ENOX1: variants seen among roughly 807,000 people sequenced by gnomAD.
ENOX1 encodes ecto-NOX disulfide-thiol exchanger 1, also known as candidate growth-related and time keeping constitutive hydroquinone (NADH) oxidase.
A neutral mutation model predicts 82.5 loss-of-function variants in ENOX1; 42 were observed. The ratio of observed to expected loss-of-function variants is 0.51; its 90% CI spans 0.40 to 0.66. The LOEUF is 0.66. Among genes scored for constraint, ENOX1 ranks in the 30% least tolerant of loss-of-function variants. The pLI is 0.00. For missense variants in ENOX1, 608 were observed against 811.6 expected, an observed-to-expected ratio of 0.75 and a Z score of 3.05; for synonymous variants, 271 against 282.2, an observed-to-expected ratio of 0.96 and a Z score of 0.40.
intron 9 of ENOX1, among the ~76,000 whole-genome samples, chr13:43,331,970 G>A (rs2048434088): frequency 6.6e-6 from 1 of 152,168 alleles, no homozygotes; most frequent in South Asian, 2.1e-4. Flanking sequence ...TTTAAGGAGG[G>A]ATGGACCGGA....
intron 1 of ENOX1, among the ~76,000 whole-genome samples, chr13:43,683,522 T>C (rs777704480): frequency 1.3e-5 from 2 of 152,056 alleles, no homozygotes; most frequent in Non-Finnish European, 2.9e-5. Flanking sequence ...CCAACTTCAG[T>C]TGGGTTTTTG....
At chr13:43,408,838 G>A (rs77865331) in intron 5 of ENOX1, among the ~76,000 whole-genome samples, 5,636 of 152,120 alleles carry the variant, frequency 0.037, 142 homozygotes, top group South Asian at 0.091. Flanking sequence ...TGGGGGCATG[G>A]AAAATAGGGA....
chr13:43,417,109 C>A (rs1260784854), intron 3 of ENOX1, among the ~76,000 whole-genome samples: 3 of 152,034 alleles, frequency 2.0e-5, no homozygotes, highest in Admixed American at 1.3e-4. Context: ...CTCGGCAGGC[C>A]GAGGCAGGAG....
intron 9 of ENOX1, among the ~76,000 whole-genome samples, chr13:43,328,935 C>A (rs538535083): frequency 1.3e-5 from 2 of 152,044 alleles, no homozygotes; most frequent in African/African-American, 2.4e-5. Context: ...ATCATAGTCT[C>A]GGAAGAGAAA....
intron 2 of ENOX1, among the ~76,000 whole-genome samples, chr13:43,576,818 T>G: frequency 6.6e-6 from 1 of 152,220 alleles, no homozygotes; most frequent in East Asian, 1.9e-4. Flanking sequence ...ATAAACTCCA[T>G]GAGGGCAGGA....
chr13:43,287,008 G>T (rs2045734632), intron 12 of ENOX1, among the ~76,000 whole-genome samples: 1 of 152,138 alleles, frequency 6.6e-6, no homozygotes, highest in Non-Finnish European at 1.5e-5. Context: ...GAAAGCCATG[G>T]TGTGGGGTTA....
intron 1 of ENOX1, among the ~76,000 whole-genome samples, chr13:43,765,911 T>A (rs1347082870): frequency 6.6e-6 from 1 of 152,244 alleles, no homozygotes; most frequent in Non-Finnish European, 1.5e-5. Context: ...AGTCTGCCTA[T>A]ACTCAATTTC....
chr13:43,499,953 A>G (rs1307418659), intron 2 of ENOX1, among the ~76,000 whole-genome samples: 2 of 152,024 alleles, frequency 1.3e-5, no homozygotes, highest in African/African-American at 4.8e-5. Context: ...CTAAAAAATT[A>G]AACGGTTTCA....
chr13:43,766,790 G>A (rs939991017), intron 1 of ENOX1, among the ~76,000 whole-genome samples: 4 of 152,114 alleles, frequency 2.6e-5, no homozygotes, highest in Admixed American at 6.5e-5. Flanking sequence ...ATTTCATCAT[G>A]GAACAGAAGA....
chr13:43,626,493 TTA>T (rs1363647985), intron 2 of ENOX1, among the ~76,000 whole-genome samples: 4 of 151,974 alleles, frequency 2.6e-5, no homozygotes, highest in African/African-American at 7.2e-5. Context: ...CCTACAAATT[TTA>T]TGTTGTGTTT....
chr13:43,332,951 C>G (rs930233706), intron 9 of ENOX1, among the ~76,000 whole-genome samples: 1 of 152,154 alleles, frequency 6.6e-6, no homozygotes, highest in Non-Finnish European at 1.5e-5. Context: ...ATTAACAGAT[C>G]CTAGCACATC....
intron 5 of ENOX1, among the ~76,000 whole-genome samples, chr13:43,405,987 C>T (rs1471919087): frequency 2.0e-5 from 3 of 152,212 alleles, no homozygotes; most frequent in Non-Finnish European, 4.4e-5. Flanking sequence ...TAAAGCATGA[C>T]AGTAAGGTCT....
intron 2 of ENOX1, among the ~76,000 whole-genome samples, chr13:43,659,482 C>T (rs1186132312): frequency 6.7e-6 from 1 of 149,654 alleles, no homozygotes; most frequent in Non-Finnish European, 1.5e-5. Context: ...AGAGTGAAAC[C>T]CTGTGTAAAA....
chr13:43,489,770 A>G (rs2076556753), intron 2 of ENOX1, among the ~76,000 whole-genome samples: 1 of 152,184 alleles, frequency 6.6e-6, no homozygotes, highest in Non-Finnish European at 1.5e-5. Flanking sequence ...GACCCAACCC[A>G]GCTGAGTATG....
intron 2 of ENOX1, among the ~76,000 whole-genome samples, chr13:43,525,248 T>A (rs1446964269): frequency 6.6e-6 from 1 of 152,144 alleles, no homozygotes. Context: ...TCCACATCCA[T>A]GAGACAATAA....
chr13:43,412,370 AG>A (rs2054187247), intron 4 of ENOX1, among the ~76,000 whole-genome samples: 1 of 152,180 alleles, frequency 6.6e-6, no homozygotes, highest in South Asian at 2.1e-4. Context: ...CAAGGCTGAG[AG>A]GCAAAGCAGT....
intron 1 of ENOX1, among the ~76,000 whole-genome samples, chr13:43,734,673 C>A (rs755068814): frequency 2.0e-5 from 3 of 152,176 alleles, no homozygotes; most frequent in African/African-American, 4.8e-5. Flanking sequence ...AGCACATAGG[C>A]AATGACAACT....
At chr13:43,223,965 T>C in intron 16 of ENOX1, 88 bp downstream of exon 16, 1 of 971,664 alleles carries the variant, frequency 1.0e-6, no homozygotes, top group Admixed American at 1.9e-5. Flanking sequence ...GCTACAGCCC[T>C]AGTTCAGTTC....
intron 1 of ENOX1, among the ~76,000 whole-genome samples, chr13:43,733,009 G>T (rs921973798): frequency 2.6e-5 from 4 of 152,134 alleles, no homozygotes; most frequent in Admixed American, 2.0e-4. Context: ...AACTGGCTGG[G>T]TCAGTTGCAA....
Sources: gnomAD v4.1 joint callset for allele counts (sites outside exome capture counted in the v4.1 genomes callset) on GRCh38, gnomAD v4.1.1 for gene constraint, MANE v1.5 for transcripts, NCBI Gene and HGNC (gene_info 2026-07-23, HGNC 2026-07-21) for gene names.